Variants in SLIT2 observed in about 807,000 individuals in gnomAD.
SLIT2 encodes the protein slit homolog 2 protein.
Under a neutral mutation model 185.7 loss-of-function variants are expected in SLIT2, and 41 were observed. The observed-to-expected ratio is 0.22, with a 90% CI of 0.17 to 0.29. The LOEUF (loss-of-function observed/expected upper bound fraction) is 0.29. Ranked by LOEUF, SLIT2 falls within the 10% of genes least tolerant of loss-of-function variation. The pLI, the probability that SLIT2 is intolerant of heterozygous loss-of-function variation, is 1.00. For synonymous variants in SLIT2, 693 were observed against 680.2 expected, an observed-to-expected ratio of 1.02 and a Z score of -0.29; for missense variants, 1,571 against 1,909.0, an observed-to-expected ratio of 0.82 and a Z score of 3.30.
chr4:20,364,562 C>T (rs1446878516), intron 4 of SLIT2, among the ~76,000 whole-genome samples: 1 of 152,022 alleles, frequency 6.6e-6, no homozygotes, highest in East Asian at 1.9e-4. Context: ...CCTTAACTGC[C>T]ATTTGGTGTA....
chr4:20,292,061 A>G (rs908841540), intron 4 of SLIT2, among the ~76,000 whole-genome samples: 6 of 152,136 alleles, frequency 3.9e-5, no homozygotes, highest in African/African-American at 1.4e-4. Flanking sequence ...ATCCATCCCA[A>G]TGCAGTCCAT....
Position 20,618,836 on chromosome 4 carries a change from A to G in SLIT2, c.4417A>G (p.Thr1473Ala). The G allele has an allele frequency of 6.2e-7, 1 of 1,614,086 alleles. No homozygotes were observed. The highest frequency in any genetic ancestry group is 8.5e-7 in the Non-Finnish European group (1 of 1,179,942). ...GCAGCAGGGCTATGCTGCTTGCCAA[A>G]CAACCAAGAAGGTGTCCCGATTAGA... The part of the protein sequence containing the change: ...QKQQGYAACQ[T>A]TKKVSRLECR... Residue 1473 changes from threonine to alanine, a missense_variant, in exon 37 of 37, where the codon ACA (threonine) becomes GCA (alanine). By Grantham distance (58) the Thr-to-Ala change is moderately conservative (BLOSUM62 0). Around this residue, in one of 3 missense-constraint regions of SLIT2, gnomAD observed 223 missense variants for 245.2 expected, o/e 0.91. Transcript: ENST00000504154.
intron 4 of SLIT2, among the ~76,000 whole-genome samples, chr4:20,306,105 G>A (rs560667111): frequency 1.3e-5 from 2 of 151,958 alleles, no homozygotes; most frequent in South Asian, 4.1e-4. Context: ...AGGTAAAGTG[G>A]TAAAATTGGT....
At chr4:20,445,584 A>T (rs996256240) in intron 4 of SLIT2, among the ~76,000 whole-genome samples, 1 of 152,170 alleles carries the variant, frequency 6.6e-6, no homozygotes, top group East Asian at 1.9e-4. Context: ...ACACTTTAAT[A>T]CAGAGGATCT....
chr4:20,497,568 C>A (rs1054850639), intron 9 of SLIT2, among the ~76,000 whole-genome samples: 1 of 152,148 alleles, frequency 6.6e-6, no homozygotes, highest in Non-Finnish European at 1.5e-5. Flanking sequence ...AAACTAAGAG[C>A]TGTTTTATAT....
chr4:20,422,122 A>AG (rs1728216535), intron 4 of SLIT2, among the ~76,000 whole-genome samples: 1 of 152,210 alleles, frequency 6.6e-6, no homozygotes, highest in African/African-American at 2.4e-5. Context: ...CATCTCAATG[A>AG]GATGACTCAA....
In SLIT2 at chr4:20,377,731, A is replaced by T. The variant is rs148053942; in HGVS notation, c.396-90021A>T. Among the ~76,000 whole-genome samples, 151 of 152,262 alleles carry T rather than the reference A, an allele frequency of 9.9e-4. 1 individual carries two copies. Among genetic ancestry groups the T allele is most frequent in the African/African-American group, 3.4e-3 (140 of 41,572 alleles). On this transcript the variant is annotated intron_variant, in intron 4 of 36. Transcript: ENST00000504154. ...AGGGGTTCAAGTCCAAGTAGGTAGG[A>T]CAGTTCCCCAACTCTCAGTTTATTT...
At chr4:20,422,176 G>T (rs1025743007) in intron 4 of SLIT2, among the ~76,000 whole-genome samples, 17 of 152,036 alleles carry the variant, frequency 1.1e-4, no homozygotes, top group African/African-American at 3.9e-4. Flanking sequence ...ATTGCAAATT[G>T]CGTGCATTGT....
At chr4:20,343,953 C>T (rs1176366998) in intron 4 of SLIT2, among the ~76,000 whole-genome samples, 2 of 152,022 alleles carry the variant, frequency 1.3e-5, no homozygotes, top group Non-Finnish European at 2.9e-5. Flanking sequence ...TGGGTTCAAG[C>T]AATTCTCCTG....
At chr4:20,495,961 C>T (rs1392957783) in intron 9 of SLIT2, among the ~76,000 whole-genome samples, 1 of 152,008 alleles carries the variant, frequency 6.6e-6, no homozygotes, top group African/African-American at 2.4e-5. Flanking sequence ...CCATGATGAA[C>T]TGAAAATTAT....
intron 4 of SLIT2, among the ~76,000 whole-genome samples, chr4:20,324,415 A>G (rs1719377151): frequency 6.6e-6 from 1 of 152,084 alleles, no homozygotes; most frequent in Non-Finnish European, 1.5e-5. Flanking sequence ...CATTGGTGTT[A>G]AAGCAGAGGA....
chr4:20,424,471 A>C (rs191699777), intron 4 of SLIT2, among the ~76,000 whole-genome samples: 30 of 152,192 alleles, frequency 2.0e-4, no homozygotes, highest in Admixed American at 1.1e-3. Context: ...TCATACAATA[A>C]AATTTCACAT....
At chr4:20,571,874 A>C (rs1379418965) in intron 29 of SLIT2, among the ~76,000 whole-genome samples, 1 of 152,234 alleles carries the variant, frequency 6.6e-6, no homozygotes, top group Non-Finnish European at 1.5e-5. Context: ...TTATGGTGAC[A>C]GTTTTTGTAT....
At chr4:20,370,645 T>C (rs1723495392) in intron 4 of SLIT2, among the ~76,000 whole-genome samples, 1 of 152,092 alleles carries the variant, frequency 6.6e-6, no homozygotes, top group African/African-American at 2.4e-5. Flanking sequence ...ATCTTTCTCC[T>C]CAAATCATTC....
intron 9 of SLIT2, among the ~76,000 whole-genome samples, chr4:20,500,002 A>G (rs978620442): frequency 6.6e-6 from 1 of 152,240 alleles, no homozygotes; most frequent in African/African-American, 2.4e-5. Flanking sequence ...TAAAAAATAC[A>G]GTACAAAACT....
chr4:20,490,835 T>C (rs759586569), intron 8 of SLIT2: 30 of 1,508,486 alleles, frequency 2.0e-5, no homozygotes, highest in South Asian at 6.0e-5. Flanking sequence ...ATTTCTTTTT[T>C]AGACCGAGGA....
intron 5 of SLIT2, among the ~76,000 whole-genome samples, chr4:20,472,517 T>TCTATATAG (rs1560454756): frequency 4.9e-5 from 1 of 20,412 alleles, no homozygotes; most frequent in Non-Finnish European, 7.3e-5. Context: ...TATAGATAGA[T>TCTATATAG]ATATATCTAT....
chr4:20,359,190 G>A (rs1046042475), intron 4 of SLIT2, among the ~76,000 whole-genome samples: 1 of 152,116 alleles, frequency 6.6e-6, no homozygotes, highest in Non-Finnish European at 1.5e-5. Flanking sequence ...AGCCTGAAAA[G>A]CTATACTAAA....
chr4:20,559,925 A>G (rs908524986), intron 26 of SLIT2, among the ~76,000 whole-genome samples: 3 of 151,986 alleles, frequency 2.0e-5, no homozygotes, highest in Non-Finnish European at 4.4e-5. Context: ...CAAAAGCTTT[A>G]CTAGAAATAT....
Sources: gnomAD v4.1 joint callset for allele counts (sites outside exome capture counted in the v4.1 genomes callset) on GRCh38, gnomAD v4.1.1 for gene constraint, gnomAD v4.1.1 regional missense constraint, MANE v1.5 for transcripts, NCBI Gene and HGNC (gene_info 2026-07-23, HGNC 2026-07-21) for gene names.